CPVL: variants seen among roughly 807,000 people sequenced by gnomAD.
The protein encoded by CPVL is probable serine carboxypeptidase CPVL.
CPVL carries 51 observed loss-of-function variants against 63.7 expected under a neutral mutation model. The observed-to-expected ratio is 0.80, with a 90% CI of 0.64 to 1.01. CPVL has a LOEUF of 1.01. Among genes scored for constraint, CPVL ranks in the 50% least tolerant of loss-of-function variants. The pLI, the probability that CPVL is intolerant of heterozygous loss-of-function variation, is 0.00. For missense variants in CPVL, 530 were observed against 573.1 expected (o/e 0.92, Z 0.77); for synonymous variants, 195 against 206.0 (o/e 0.95, Z 0.46).
intron 1 of CPVL, among the ~76,000 whole-genome samples, chr7:29,134,628 T>C (rs1452389623): frequency 6.6e-6 from 1 of 152,060 alleles, no homozygotes. Flanking sequence ...AAACATAATC[T>C]TAAGAAATCT....
chr7:29,040,745 A>G (rs1038598295), intron 11 of CPVL, among the ~76,000 whole-genome samples: 7 of 152,230 alleles, frequency 4.6e-5, no homozygotes, highest in African/African-American at 1.7e-4. Context: ...GAAGTGGAAC[A>G]GCAAGTTTGA....
intron 1 of CPVL, among the ~76,000 whole-genome samples, chr7:29,132,064 C>G (rs1299978406): frequency 6.6e-6 from 1 of 152,066 alleles, no homozygotes; most frequent in Non-Finnish European, 1.5e-5. Flanking sequence ...GCAGGATAAA[C>G]GGAATAGAGA....
intron 7 of CPVL, among the ~76,000 whole-genome samples, chr7:29,074,895 T>C (rs1562755608): frequency 6.6e-6 from 1 of 151,990 alleles, no homozygotes; most frequent in South Asian, 2.1e-4. Flanking sequence ...GACTGACACA[T>C]GATAGAGCAA....
At chr7:29,138,763 G>A (rs766485878) in intron 1 of CPVL, among the ~76,000 whole-genome samples, 12 of 152,238 alleles carry the variant, frequency 7.9e-5, no homozygotes, top group Middle Eastern at 3.4e-3. Flanking sequence ...CAATGATAGC[G>A]CTTTGTCCCT....
chr7:29,033,761 T>C (rs1788255102), intron 11 of CPVL, among the ~76,000 whole-genome samples: 3 of 152,214 alleles, frequency 2.0e-5, no homozygotes, highest in Admixed American at 1.3e-4. Context: ...GCCCTGAACA[T>C]GCATTTCCTC....
At chr7:29,031,100 C>G (rs1440495094) in intron 11 of CPVL, among the ~76,000 whole-genome samples, 1 of 152,136 alleles carries the variant, frequency 6.6e-6, no homozygotes, top group Non-Finnish European at 1.5e-5. Flanking sequence ...AATACTACCC[C>G]CTAGGATTTT....
At chr7:29,143,337 T>C (rs902114198) in intron 1 of CPVL, among the ~76,000 whole-genome samples, 2 of 152,218 alleles carry the variant, frequency 1.3e-5, no homozygotes, top group East Asian at 1.9e-4. Flanking sequence ...TCAATGCCAG[T>C]TGATTAATCA....
At chr7:29,083,509 G>C (rs181446909) in intron 7 of CPVL, among the ~76,000 whole-genome samples, 1 of 152,216 alleles carries the variant, frequency 6.6e-6, no homozygotes, top group East Asian at 1.9e-4. Context: ...GAATCTGGAG[G>C]GCTGGAATTA....
intron 4 of CPVL, among the ~76,000 whole-genome samples, chr7:29,183,056 G>A (rs978199595): frequency 4.0e-5 from 6 of 151,158 alleles, no homozygotes; most frequent in Non-Finnish European, 5.9e-5. Context: ...AGACAGGTAC[G>A]AAGGCAACTG....
chr7:29,045,180 G>A (rs1175943018), intron 11 of CPVL, among the ~76,000 whole-genome samples: 2 of 152,096 alleles, frequency 1.3e-5, no homozygotes, highest in African/African-American at 4.8e-5. Context: ...AGAAGATGTC[G>A]AAAGCATGGC....
chr7:29,175,457 T>G (rs1797183087), intron 5 of CPVL, among the ~76,000 whole-genome samples: 1 of 152,176 alleles, frequency 6.6e-6, no homozygotes, highest in Non-Finnish European at 1.5e-5. Flanking sequence ...ATTACAGGTA[T>G]GAGCCACCAT....
Position 29,024,814 on chromosome 7 carries a change from T to C in CPVL, c.1320+5763A>G, listed in dbSNP as rs373382919. 1.1e-4 allele frequency among the ~76,000 whole-genome samples: 17 copies of C among 152,330 alleles called. No individual in the cohort carries two copies. The East Asian group carries it at 1.5e-3, about 14-fold the overall frequency. On this transcript the variant is annotated intron_variant, in intron 12 of 12. Transcript: ENST00000265394. The stretch of plus-strand genomic sequence containing the variant: ...CAAAAACTGAGGACATTCATTACCA[T>C]TGGACTGGCCCTACAAGAAATGCTT...
chr7:29,012,454 A>C (rs1785948493), intron 12 of CPVL: 1 of 152,232 alleles, frequency 6.6e-6, no homozygotes, highest in Non-Finnish European at 1.5e-5. Context: ...TTACAAGTCT[A>C]AATTGCCAGT....
chr7:29,030,796 CAGG>C (rs745461883), intron 11 of CPVL, 37 bp from the exon 12 acceptor site: 11 of 1,561,974 alleles, frequency 7.0e-6, no homozygotes, highest in Middle Eastern at 1.7e-4. Flanking sequence ...ATGCAAGATT[CAGG>C]AGGTGAAGCT....
chr7:29,184,260 A>C (rs972355619), intron 4 of CPVL, among the ~76,000 whole-genome samples: 2 of 150,714 alleles, frequency 1.3e-5, no homozygotes, highest in Non-Finnish European at 3.0e-5. Context: ...TATATATAAG[A>C]TATATAGTGG....
At position 28,995,677 on chromosome 7, in the gene CPVL, GAA is replaced by G. The variant is rs1783983153; in HGVS notation, c.*93_*94del. ...TTGATGAAAAAAATCTTGCAGATAT[GAA>G]AAGATAATTTTTTTATTCCTATGAC... On this transcript the variant is annotated 3_prime_UTR_variant, in exon 13 of 13. Transcript: ENST00000265394. 2.6e-6 allele frequency: 2 copies of G among 766,218 alleles called. No homozygotes were observed. Among genetic ancestry groups the G allele is most frequent in the Non-Finnish European group, 4.2e-6 (2 of 471,146 alleles). The allele number at this position is 766,218 out of a possible 1,614,324, so 47.5% of individuals were successfully genotyped here.
chr7:29,179,753 C>G (rs948254423), intron 5 of CPVL, among the ~76,000 whole-genome samples: 1 of 152,048 alleles, frequency 6.6e-6, no homozygotes, highest in African/African-American at 2.4e-5. Flanking sequence ...ATGCAAAACA[C>G]GGGTAAGAAC....
At chr7:29,066,435 G>A (rs192268263) in intron 9 of CPVL, among the ~76,000 whole-genome samples, 5 of 152,282 alleles carry the variant, frequency 3.3e-5, no homozygotes, top group Admixed American at 1.3e-4. Flanking sequence ...ATGACAAGGA[G>A]AAAACTAAAG....
chr7:29,025,406 G>C lies in CPVL; in HGVS notation c.1320+5171C>G, dbSNP rs571172293. 3.9e-5 allele frequency among the ~76,000 whole-genome samples: 6 copies of C among 152,298 alleles called. No individual in the cohort carries two copies. The East Asian group carries it at 1.2e-3, about 29-fold the overall frequency. ...AGAGATGGAGGAGGTCCCAGACTCT[G>C]TTAAATACCAGGTCTCACATGAACT... On this transcript the variant is annotated intron_variant, in intron 12 of 12. Transcript: ENST00000265394.
Sources: allele counts gnomAD v4.1 joint callset (sites outside exome capture counted in the v4.1 genomes callset), GRCh38; gene constraint gnomAD v4.1.1; transcripts MANE v1.5; gene names NCBI Gene and HGNC (gene_info 2026-07-23, HGNC 2026-07-21).